ATG2B: variants seen among roughly 807,000 people sequenced by gnomAD.
The protein encoded by ATG2B is autophagy related 2B.
In ATG2B, 121 loss-of-function variants were observed where a neutral mutation model predicts 241.3. The observed-to-expected ratio is 0.50, with a 90% confidence interval of 0.43 to 0.58. The LOEUF (loss-of-function observed/expected upper bound fraction) is 0.58, where lower values mean the gene tolerates loss of function less well. ATG2B is among the 20% of genes least tolerant of loss of function. The pLI is 0.00. For missense variants in ATG2B, 2,306 were observed against 2,491.6 expected, an observed-to-expected ratio of 0.93 and a Z score of 1.59; for synonymous variants, 858 against 876.6, an observed-to-expected ratio of 0.98 and a Z score of 0.37.
At chr14:96,359,809 A>G (rs1157064492) in intron 1 of ATG2B, among the ~76,000 whole-genome samples, 2 of 152,236 alleles carry the variant, frequency 1.3e-5, no homozygotes, top group Non-Finnish European at 2.9e-5. Context: ...TATATCCTAA[A>G]GTATTATCAG....
Position 96,304,702 on chromosome 14 carries a change from G to T in ATG2B, c.4734-99C>A, listed in dbSNP as rs1004614623. 5 of 938,566 alleles carry T rather than the reference G, an allele frequency of 5.3e-6. No individual in the cohort carries two copies. In the African/African-American group the frequency reaches 6.6e-5, roughly 12 times the overall value. 58.1% of individuals were successfully genotyped at this position (938,566 alleles called of 1,614,324 possible). A position where few individuals can be genotyped will look rare whatever the true frequency, so the allele number is the denominator to read the frequency against. On this transcript the variant is annotated intron_variant, in intron 31 of 41. Coordinates refer to ENST00000359933, the MANE Select transcript of ATG2B (RefSeq NM_018036.7). ...GGAAAATGATAAGATGAAAGACAAA[G>T]TAAGAGTACAGAGCTATCAGAACGC... is the stretch of plus-strand genomic sequence containing the variant.
intron 10 of ATG2B, 36 bp from the exon 11 acceptor site, chr14:96,331,673 T>C (rs765787768): frequency 6.8e-7 from 1 of 1,470,918 alleles, no homozygotes; most frequent in East Asian, 2.4e-5. Flanking sequence ...TACATAAAAT[T>C]TGACACATAA....
In ATG2B at chr14:96,280,914, T is replaced by C. The variant is rs1205627176; in HGVS notation, c.*4841A>G. ...TAAATAAATAAAATAAAAATAAGTA[T>C]GTCTTTTAAATATTCCCTTCATAAG... On this transcript the variant is annotated 3_prime_UTR_variant, in exon 42 of 42. Coordinates refer to ENST00000359933, the MANE Select transcript of ATG2B (RefSeq NM_018036.7). The C allele has an allele frequency of 1.3e-5, 2 of 152,206 alleles. No individual in the cohort carries two copies. The highest frequency in any genetic ancestry group is 2.9e-5 in the Non-Finnish European group (2 of 68,038). The allele number at this position is 152,206 out of a possible 1,614,324, so 9.4% of individuals were successfully genotyped here.
chr14:96,289,931 T>C lies in ATG2B; in HGVS notation c.5857-126A>G. 1 of 945,468 alleles carries C rather than the reference T, an allele frequency of 1.1e-6. No individual in the cohort carries two copies. The highest frequency in any genetic ancestry group is 1.5e-6 in the Non-Finnish European group (1 of 648,348). The allele number at this position is 945,468 out of a possible 1,614,324, so 58.6% of individuals were successfully genotyped here. On this transcript the variant is annotated intron_variant, in intron 40 of 41. Transcript: ENST00000359933. The surrounding 1 kb of genome is among the most constrained non-coding windows in gnomAD (Gnocchi z 4.3). ...ACTCACAAACCCTAATGAAGACACTTCTGCGTATCTGAATTCTTTACCACA... is the reference window on the plus strand; with the variant it reads ...ACTCACAAACCCTAATGAAGACACTCCTGCGTATCTGAATTCTTTACCACA...
chr14:96,315,299 C>T, intron 22 of ATG2B, 65 bp from the exon 23 acceptor site: 1 of 1,584,624 alleles, frequency 6.3e-7, no homozygotes, highest in Non-Finnish European at 8.6e-7. Flanking sequence ...AAAAGTTTTT[C>T]CAAGAAAATA....
At chr14:96,335,541 A>G (rs1372521604) in intron 6 of ATG2B, among the ~76,000 whole-genome samples, 1 of 152,156 alleles carries the variant, frequency 6.6e-6, no homozygotes, top group Non-Finnish European at 1.5e-5. Flanking sequence ...AGGTGAAGAA[A>G]TGAGTTCACA....
At position 96,289,333 on chromosome 14, in the gene ATG2B, G is replaced by C. The variant is rs1348474859; in HGVS notation, c.6006+323C>G. The stretch of plus-strand genomic sequence containing the variant: ...AGTTCTAGTTCTTAAGCAAATCTGA[G>C]GTAAGCAGGGCAGAGTATAAATGTG... On this transcript the variant is annotated intron_variant, in intron 41 of 41. Coordinates refer to ENST00000359933, the MANE Select transcript of ATG2B (RefSeq NM_018036.7). This position sits in a 1 kb window ranked among gnomAD's most constrained non-coding sequence, Gnocchi z 4.3. The C allele has an allele frequency of 5.3e-6, 1 of 187,502 alleles. No homozygotes were observed. The highest frequency in any genetic ancestry group is 1.1e-5 in the Non-Finnish European group (1 of 91,150). 11.6% of individuals were successfully genotyped at this position (187,502 alleles called of 1,614,324 possible).
Position 96,305,438 on chromosome 14 carries a change from A to G in ATG2B, c.4733+151T>C, listed in dbSNP as rs139443742. 7.0e-3 allele frequency: 3,856 copies of G among 550,118 alleles called. 130 individuals carry two copies. The highest frequency in any genetic ancestry group is 0.066 in the South Asian group (2,293 of 34,672). The allele number at this position is 550,118 out of a possible 1,614,324, so 34.1% of individuals were successfully genotyped here. Reference sequence around the variant, plus strand: ...GGAAAACTGTGAGAGTAACATTTAAATTACAGTTTTTAATACTACTTTATT... The same window carrying G: ...GGAAAACTGTGAGAGTAACATTTAAGTTACAGTTTTTAATACTACTTTATT... On this transcript the variant is annotated intron_variant, in intron 31 of 41. Coordinates refer to ENST00000359933, the MANE Select transcript of ATG2B (RefSeq NM_018036.7).
chr14:96,286,218 C>T lies in ATG2B; in HGVS notation c.6007-233G>A, dbSNP rs10141328. On this transcript the variant is annotated intron_variant, in intron 41 of 41. Coordinates refer to ENST00000359933, the MANE Select transcript of ATG2B (RefSeq NM_018036.7). Reference sequence around the variant, plus strand: ...TTAGTATTTTGTTGTGACACTAGTGCGTGGAAAATGTAGGTAAACTAAAAT... The same window carrying T: ...TTAGTATTTTGTTGTGACACTAGTGTGTGGAAAATGTAGGTAAACTAAAAT... Among the ~76,000 whole-genome samples, 113,114 of 152,118 alleles carry T rather than the reference C, an allele frequency of 0.74. 42,220 individuals are homozygous for T. Among genetic ancestry groups the T allele is most frequent in the African/African-American group, 0.79 (32,838 of 41,472 alleles).
chr14:96,326,198 T>A (rs1017666825), intron 14 of ATG2B, among the ~76,000 whole-genome samples: 1 of 152,164 alleles, frequency 6.6e-6, no homozygotes, highest in African/African-American at 2.4e-5. Flanking sequence ...AGGCACTATA[T>A]ATTAATATTT....
In ATG2B at chr14:96,322,483, T is replaced by C. The variant is rs975964826; in HGVS notation, c.2736+57A>G. 8 of 1,504,390 alleles carry C rather than the reference T, an allele frequency of 5.3e-6. No homozygotes were observed. In the African/African-American group the frequency reaches 7.1e-5, roughly 13 times the overall value. 93.2% of individuals were successfully genotyped at this position (1,504,390 alleles called of 1,614,324 possible). On this transcript the variant is annotated intron_variant, in intron 17 of 41. Transcript: ENST00000359933. The stretch of plus-strand genomic sequence containing the variant: ...TTTTAAAAATAAAAAATCAAAAGCA[T>C]TGCTCTATGACAGAGAATAATAGTA...
At chr14:96,356,282 A>C (rs747356759) in intron 1 of ATG2B, among the ~76,000 whole-genome samples, 1 of 152,194 alleles carries the variant, frequency 6.6e-6, no homozygotes, top group Non-Finnish European at 1.5e-5. Context: ...ACCTGCATTA[A>C]ATCTTCATAA....
At chr14:96,308,503 A>C in intron 29 of ATG2B, among the ~76,000 whole-genome samples, 1 of 136,308 alleles carries the variant, frequency 7.3e-6, no homozygotes, top group Non-Finnish European at 1.6e-5. Context: ...GGGTTTCACC[A>C]TGTTGCCGAG....
intron 6 of ATG2B, among the ~76,000 whole-genome samples, chr14:96,339,564 CT>C (rs1444969355): frequency 6.6e-6 from 1 of 151,838 alleles, no homozygotes; most frequent in Non-Finnish European, 1.5e-5. Flanking sequence ...AAAATAATGT[CT>C]TTTGCAGCAA....
rs966598987 is a variant in ATG2B at position 96,311,220 on chromosome 14, C to T, written c.4058G>A (p.Cys1353Tyr). Residue 1353 changes from cysteine to tyrosine, a missense_variant, in exon 28 of 42, where the codon TGT (cysteine) becomes TAT (tyrosine). This residue lies in a region of ATG2B where 1,927 missense variants were observed against 2,011.2 expected (regional missense o/e 0.96). Transcript: ENST00000359933. ...CTGAATGAGATTCATTAACGCAGCACAAGAGTCTGAGCACGTTCTGATATG... is the reference window on the plus strand; with the variant it reads ...CTGAATGAGATTCATTAACGCAGCATAAGAGTCTGAGCACGTTCTGATATG... ...VVHIRTCSDS[C>Y]AALMNLIQYI... 13 of 1,613,914 alleles carry T rather than the reference C, an allele frequency of 8.1e-6. No homozygotes were observed. The Admixed American group carries it at 1.0e-4, about 12-fold the overall frequency.
chr14:96,315,047 A>T (rs771709617), intron 23 of ATG2B, 107 bp downstream of exon 23: 148 of 793,956 alleles, frequency 1.9e-4, no homozygotes, highest in Non-Finnish European at 2.7e-4. Flanking sequence ...TCACTTAATG[A>T]TAATTCACTG....
At chr14:96,301,313 A>C (rs1306649526) in intron 34 of ATG2B, among the ~76,000 whole-genome samples, 1 of 65,842 alleles carries the variant, frequency 1.5e-5, no homozygotes, top group Non-Finnish European at 3.1e-5. Context: ...TACAACTAGT[A>C]AAAGCTACAG....
intron 6 of ATG2B, among the ~76,000 whole-genome samples, chr14:96,340,707 G>A (rs1888009498): frequency 6.6e-6 from 1 of 152,102 alleles, no homozygotes; most frequent in Non-Finnish European, 1.5e-5. Flanking sequence ...CAGCCCAGGA[G>A]TTCAAGACCA....
chr14:96,329,394 A>C, intron 12 of ATG2B, 90 bp downstream of exon 12: 1 of 913,148 alleles, frequency 1.1e-6, no homozygotes, highest in East Asian at 2.7e-5. Flanking sequence ...CTTTCTATAC[A>C]TTTTTAAAGA....
Sources: allele counts gnomAD v4.1 joint callset (sites outside exome capture counted in the v4.1 genomes callset), GRCh38; gene constraint gnomAD v4.1.1; regional missense constraint gnomAD v4.1.1; non-coding constraint Gnocchi (gnomAD v3.1); transcripts MANE v1.5; gene names NCBI Gene and HGNC (gene_info 2026-07-23, HGNC 2026-07-21).